ZNF518B: variants seen among roughly 807,000 people sequenced by gnomAD.
ZNF518B encodes the protein zinc finger protein 518B.
Under a neutral mutation model 56.3 loss-of-function variants are expected in ZNF518B, and 23 were observed. The observed-to-expected ratio is 0.41, with a 90% confidence interval of 0.29 to 0.58. ZNF518B has a LOEUF of 0.58. ZNF518B is among the 20% of genes least tolerant of loss of function. ZNF518B has a pLI of 0.32. For synonymous variants in ZNF518B, 529 were observed against 465.9 expected (o/e 1.14, Z -1.74); for missense variants, 1,460 against 1,272.1 (o/e 1.15, Z -2.25).
At position 10,446,388 on chromosome 4, in the gene ZNF518B, C is replaced by T; in HGVS notation, c.-60G>A. The T allele has an allele frequency of 1.3e-6, 2 of 1,494,360 alleles. No homozygotes were observed. Among genetic ancestry groups the T allele is most frequent in the Non-Finnish European group, 1.8e-6 (2 of 1,087,714 alleles). The allele number at this position is 1,494,360 out of a possible 1,614,324, so 92.6% of individuals were successfully genotyped here. On this transcript the variant is annotated 5_prime_UTR_variant, in exon 3 of 3. Coordinates refer to ENST00000326756, the MANE Select transcript of ZNF518B (RefSeq NM_053042.3). ...TCAGAAAGTTTTCACATGATAAAAT[C>T]CTTAGGAGATATCCTTCTATACAGT...
At chr4:10,448,662 G>A (rs1715172257) in intron 2 of ZNF518B, among the ~76,000 whole-genome samples, 1 of 151,918 alleles carries the variant, frequency 6.6e-6, no homozygotes, top group Admixed American at 6.6e-5. Flanking sequence ...TGCAGTGGGG[G>A]GCTGGAGAAA....
Position 10,443,448 on chromosome 4 carries a change from T to C in ZNF518B, c.2881A>G (p.Lys961Glu), listed in dbSNP as rs1232798904. 3.7e-6 allele frequency: 6 copies of C among 1,614,096 alleles called. No individual in the cohort carries two copies. Among genetic ancestry groups the C allele is most frequent in the Non-Finnish European group, 5.1e-6 (6 of 1,180,048 alleles). Reference sequence around the variant, plus strand: ...TTGCCTTTGTATTTATTTATTACCTTCATCACATTGGTCACTTCTGGCGAG... The same window carrying C: ...TTGCCTTTGTATTTATTTATTACCTCCATCACATTGGTCACTTCTGGCGAG... ...VDSPEVTNVM[K>E]VINKYKGNVL... The change falls in exon 3 of 3, where the codon AAG becomes GAG. Residue 961 changes from lysine to glutamate, a missense_variant. By Grantham distance (56) the Lys-to-Glu change is moderately conservative (BLOSUM62 1). Transcript: ENST00000326756.
rs1265534451 is a variant in ZNF518B, at chr4:10,457,370, G to T, written c.-449C>A. ...CCGGCGAAGGGGCGTCTACACCGCC[G>T]GCCGCAGACCGCCGGCGCCGCGCCC... On this transcript the variant is annotated 5_prime_UTR_variant, in exon 1 of 3. Coordinates refer to ENST00000326756, the MANE Select transcript of ZNF518B (RefSeq NM_053042.3). 2 of 151,868 alleles carry T rather than the reference G, an allele frequency of 1.3e-5. No individual in the cohort carries two copies. Among genetic ancestry groups the T allele is most frequent in the Non-Finnish European group, 1.5e-5 (1 of 67,942 alleles). The allele number at this position is 151,868 out of a possible 1,614,324, so 9.4% of individuals were successfully genotyped here.
intron 2 of ZNF518B, among the ~76,000 whole-genome samples, chr4:10,450,528 G>A (rs535764173): frequency 6.6e-6 from 1 of 151,564 alleles, no homozygotes; most frequent in East Asian, 2.0e-4. Flanking sequence ...GTATTTACAC[G>A]TGGACACTCC....
intron 2 of ZNF518B, chr4:10,451,908 T>G (rs1715328975): frequency 6.6e-6 from 1 of 152,234 alleles, no homozygotes; most frequent in African/African-American, 2.4e-5. Context: ...CAAATGAATG[T>G]GTTTCTGTGA....
chr4:10,453,204 G>A (rs2108995774), intron 2 of ZNF518B: 1 of 152,374 alleles, frequency 6.6e-6, no homozygotes, highest in South Asian at 2.1e-4. Context: ...GTAACTTTAT[G>A]CTTGGCAAAG....
In ZNF518B at chr4:10,446,248, A is replaced by C; in HGVS notation, c.81T>G (p.Pro27=). ...TTGGCCGAGGTGCTCCATTAGCATC[A>C]GGCTGTTTGGGTGACATGGTCAAGG... ...HNSLTMSPKQ[P]DANGAPRPNR... The change falls in exon 3 of 3, where the codon CCT becomes CCG. Residue 27 remains proline (P), a synonymous_variant. Transcript: ENST00000326756. The C allele has an allele frequency of 6.2e-7, 1 of 1,614,212 alleles. No individual in the cohort carries two copies. The highest frequency in any genetic ancestry group is 8.5e-7 in the Non-Finnish European group (1 of 1,180,046).
intron 2 of ZNF518B, chr4:10,454,331 T>C (rs780404973): frequency 2.0e-5 from 3 of 152,248 alleles, no homozygotes; most frequent in Non-Finnish European, 2.9e-5. Flanking sequence ...ATTTGAATGT[T>C]CCTGGCACAG....
At chr4:10,455,060 A>C (rs917134078) in intron 1 of ZNF518B, 72 bp from the exon 2 acceptor site, 13 of 152,252 alleles carry the variant, frequency 8.5e-5, no homozygotes, top group Admixed American at 3.9e-4. Flanking sequence ...AGTGTTGAAG[A>C]TAAGGGGAAT....
rs776277134 is a variant in ZNF518B, at chr4:10,445,543, A to C, written c.786T>G (p.Gly262=). The change falls in exon 3 of 3, where the codon GGT becomes GGG. Residue 262 remains glycine (G), a synonymous_variant. Coordinates refer to ENST00000326756, the MANE Select transcript of ZNF518B (RefSeq NM_053042.3). ...FQNKWSDQLS[G]FSLHANKDKM... The stretch of plus-strand genomic sequence containing the variant: ...TGTCTTTATTTGCATGGAGAGAGAA[A>C]CCTGACAGTTGGTCTGACCACTTAT... The C allele has an allele frequency of 6.2e-7, 1 of 1,614,176 alleles. No individual in the cohort carries two copies. The highest frequency in any genetic ancestry group is 1.1e-5 in the South Asian group (1 of 91,078).
intron 2 of ZNF518B, among the ~76,000 whole-genome samples, chr4:10,449,923 C>G (rs919513478): frequency 8.6e-5 from 13 of 151,928 alleles, no homozygotes; most frequent in African/African-American, 3.1e-4. Context: ...CCAGAAGGCA[C>G]TTTTGCCATT....
chr4:10,460,039 T>C (rs1353033465), upstream of ZNF518B, among the ~76,000 whole-genome samples: 1 of 152,034 alleles, frequency 6.6e-6, no homozygotes, highest in Non-Finnish European at 1.5e-5. Context: ...GCGCAGTAGC[T>C]CATGCCTGTA....
rs1560168668 is a variant in ZNF518B at position 10,444,008 on chromosome 4, T to G, written c.2321A>C (p.Lys774Thr). The G allele has an allele frequency of 2.5e-6, 4 of 1,614,062 alleles. No homozygotes were observed. Among genetic ancestry groups the G allele is most frequent in the Non-Finnish European group, 3.4e-6 (4 of 1,180,040 alleles). ...ATTAAGAACCCTCAACACAGCCCCT[T>G]TGGGGATTAACACTGGCGTGGCAAC... is the stretch of plus-strand genomic sequence containing the variant. ...AHVATPVLIP[K>T]GAVLRVLNSS... is the part of the protein sequence containing the mutation. Residue 774 changes from lysine (K) to threonine (T), a missense_variant, in exon 3 of 3, where the codon AAA (lysine) becomes ACA (threonine). Transcript: ENST00000326756.
At chr4:10,451,933 AAAAGG>A (rs1715330393) in intron 2 of ZNF518B, 1 of 152,246 alleles carries the variant, frequency 6.6e-6, no homozygotes, top group Non-Finnish European at 1.5e-5. Context: ...TGTTAATGTG[AAAAGG>A]AAAGGTGGGT....
intron 2 of ZNF518B, chr4:10,452,788 C>T (rs887228228): frequency 6.6e-6 from 1 of 152,148 alleles, no homozygotes; most frequent in Admixed American, 6.5e-5. Flanking sequence ...AATCTTTTTG[C>T]CAAACTACCT....
chr4:10,458,666 G>C (rs1305818719), upstream of ZNF518B, among the ~76,000 whole-genome samples: 5 of 152,204 alleles, frequency 3.3e-5, no homozygotes, highest in Non-Finnish European at 2.9e-5. Flanking sequence ...CTAGGGCTCA[G>C]AAAAGCTAAG....
At chr4:10,456,796 C>CT (rs1024913755) in intron 1 of ZNF518B, among the ~76,000 whole-genome samples, 3 of 152,168 alleles carry the variant, frequency 2.0e-5, no homozygotes, top group Non-Finnish European at 4.4e-5. Context: ...CCGCAGGAGG[C>CT]TTTAAAAATG....
chr4:10,451,992 T>C (rs1442581521), intron 2 of ZNF518B: 4 of 152,202 alleles, frequency 2.6e-5, no homozygotes, highest in Admixed American at 6.5e-5. Flanking sequence ...ACCACATACA[T>C]TTCTGTTCAG....
intron 1 of ZNF518B, among the ~76,000 whole-genome samples, chr4:10,456,367 A>T (rs1392787288): frequency 1.3e-5 from 2 of 152,014 alleles, no homozygotes; most frequent in African/African-American, 4.8e-5. Context: ...TGAACCCTGC[A>T]ATTTCTTGGC....
Sources: gnomAD v4.1 joint callset for allele counts (sites outside exome capture counted in the v4.1 genomes callset) on GRCh38, gnomAD v4.1.1 for gene constraint, MANE v1.5 for transcripts, NCBI Gene and HGNC (gene_info 2026-07-23, HGNC 2026-07-21) for gene names.